Variants in TLN2 observed in about 807,000 individuals in gnomAD.
The protein encoded by TLN2 is talin-2.
In TLN2, 118 loss-of-function variants were observed where a neutral mutation model predicts 294.7. That is an observed-to-expected ratio of 0.40 (90% CI 0.34 to 0.47). The LOEUF is 0.47. Ranked by LOEUF, TLN2 falls within the 20% of genes least tolerant of loss-of-function variation. The probability of loss-of-function intolerance (pLI) is 0.84; values close to 1 mark genes in which losing one functional copy is unlikely to be tolerated. For missense variants in TLN2, 3,083 were observed against 3,282.2 expected (o/e 0.94, Z 1.48); for synonymous variants, 1,431 against 1,304.5 (o/e 1.10, Z -2.09).
chr15:62,670,454 T>G (rs1177728410), intron 9 of TLN2, among the ~76,000 whole-genome samples: 2 of 152,216 alleles, frequency 1.3e-5, no homozygotes, highest in East Asian at 1.9e-4. Context: ...TCTGAATCAT[T>G]CATTTTTGCC....
chr15:62,642,705 T>TG (rs935775485), intron 3 of TLN2, among the ~76,000 whole-genome samples: 4 of 151,504 alleles, frequency 2.6e-5, no homozygotes, highest in African/African-American at 9.7e-5. Context: ...TTTTCTGTTT[T>TG]TTTTTTTTTT....
chr15:62,395,162 C>T (rs1272841326), intron 1 of TLN2, among the ~76,000 whole-genome samples: 1 of 143,352 alleles, frequency 7.0e-6, no homozygotes, highest in Non-Finnish European at 1.5e-5. Context: ...TCACAATGCC[C>T]ACACATTGTG....
chr15:62,736,180 C>T (rs1056731328), intron 28 of TLN2, among the ~76,000 whole-genome samples: 1 of 151,882 alleles, frequency 6.6e-6, no homozygotes, highest in Non-Finnish European at 1.5e-5. Flanking sequence ...ATTAGCCGGG[C>T]GTGGTGATGG....
rs572613049 is a variant in TLN2 at position 62,542,422 on chromosome 15, C to G, written c.-237-47265C>G. On this transcript the variant is annotated intron_variant, in intron 1 of 58. Coordinates refer to ENST00000636159, the MANE Select transcript of TLN2 (RefSeq NM_015059.3). ...AGCCAGGATGGTCTCGATCTCCTGA[C>G]CTCTTGATCCACCTGCCTTGGCCTC... is the stretch of plus-strand genomic sequence containing the variant. 5.3e-5 allele frequency among the ~76,000 whole-genome samples: 8 copies of G among 152,254 alleles called. No homozygotes were observed. The South Asian group carries it at 1.0e-3, about 20-fold the overall frequency.
At chr15:62,543,975 G>C (rs997045976) in intron 1 of TLN2, among the ~76,000 whole-genome samples, 1 of 152,132 alleles carries the variant, frequency 6.6e-6, no homozygotes, top group East Asian at 1.9e-4. Context: ...GGCTGGCGTG[G>C]AGGGTAGTAG....
chr15:62,775,253 C>G (rs1471343227), intron 42 of TLN2, among the ~76,000 whole-genome samples: 2 of 152,062 alleles, frequency 1.3e-5, no homozygotes, highest in East Asian at 3.9e-4. Context: ...TCATCTCATT[C>G]TAAATGAGAT....
At chr15:62,531,891 G>A (rs1189334755) in intron 1 of TLN2, among the ~76,000 whole-genome samples, 2 of 152,056 alleles carry the variant, frequency 1.3e-5, no homozygotes, top group Admixed American at 6.5e-5. Context: ...TTAGAGCCTC[G>A]GGTGAGCCTC....
intron 1 of TLN2, among the ~76,000 whole-genome samples, chr15:62,537,049 T>C (rs1355935615): frequency 6.6e-6 from 1 of 151,680 alleles, no homozygotes; most frequent in East Asian, 1.9e-4. Flanking sequence ...GACGGAGTCT[T>C]GCTCTGTCGC....
intron 54 of TLN2, chr15:62,829,011 C>T (rs536369951): frequency 6.6e-6 from 1 of 152,062 alleles, no homozygotes; most frequent in Admixed American, 6.6e-5. Context: ...ACTCCCACCC[C>T]AGACCTACCA....
At chr15:62,770,034 A>G (rs1056758313) in intron 41 of TLN2, among the ~76,000 whole-genome samples, 2 of 152,194 alleles carry the variant, frequency 1.3e-5, no homozygotes, top group Non-Finnish European at 1.5e-5. Flanking sequence ...CGGTGCTCCC[A>G]CAGCAGCAGG....
rs5813171 is a variant in TLN2, at chr15:62,777,530, C to CAA, written c.5514+634_5514+635dup. 5.1e-3 allele frequency among the ~76,000 whole-genome samples: 695 copies of CAA among 135,402 alleles called. 4 individuals carry two copies. The highest frequency in any genetic ancestry group is 8.8e-3 in the African/African-American group (314 of 35,738). 88.8% of individuals were successfully genotyped at this position (135,402 alleles called of 152,430 possible). Reference sequence around the variant, plus strand: ...TAGCCTGGGCAACGAGCGAAACTCTCAAAAAAAAAAAAAAAGTGATTCCCA... The same window carrying CAA: ...TAGCCTGGGCAACGAGCGAAACTCTCAAAAAAAAAAAAAAAAAGTGATTCCCA... On this transcript the variant is annotated intron_variant, in intron 43 of 58. Coordinates refer to ENST00000636159, the MANE Select transcript of TLN2 (RefSeq NM_015059.3).
intron 2 of TLN2, among the ~76,000 whole-genome samples, chr15:62,615,676 C>A (rs2048257626): frequency 6.6e-6 from 1 of 152,186 alleles, no homozygotes; most frequent in African/African-American, 2.4e-5. Flanking sequence ...ATCCTGCAAA[C>A]AAAGCAGTGA....
At chr15:62,408,829 T>G (rs1224529213) in intron 1 of TLN2, among the ~76,000 whole-genome samples, 1 of 152,076 alleles carries the variant, frequency 6.6e-6, no homozygotes, top group Non-Finnish European at 1.5e-5. Context: ...TTCTTTTTCT[T>G]TTTTTTAATT....
At chr15:62,729,785 A>G (rs1319876377) in intron 28 of TLN2, among the ~76,000 whole-genome samples, 2 of 151,582 alleles carry the variant, frequency 1.3e-5, no homozygotes, top group Admixed American at 6.6e-5. Flanking sequence ...TCATCTTACT[A>G]TTTGTTTTCT....
At chr15:62,730,029 C>CT (rs11368681) in intron 28 of TLN2, among the ~76,000 whole-genome samples, 112,437 of 121,130 alleles carry the variant, frequency 0.93, 52,799 homozygotes, top group South Asian at 0.99. Flanking sequence ...TTATTGTTGT[C>CT]TTTTTTTTTT....
In TLN2 at chr15:62,762,472, G is replaced by C; in HGVS notation, c.4961+19G>C. On this transcript the variant is annotated intron_variant, in intron 39 of 58. Coordinates refer to ENST00000636159, the MANE Select transcript of TLN2 (RefSeq NM_015059.3). ...CTATCAGGTCAGTTTCCCATCCGGA[G>C]GTTGCTGCCAGCCTGCATCTCAGCG... is the stretch of plus-strand genomic sequence containing the variant. 6.2e-7 allele frequency: 1 copy of C among 1,610,752 alleles called. No homozygotes were observed. Among genetic ancestry groups the C allele is most frequent in the Non-Finnish European group, 8.5e-7 (1 of 1,177,674 alleles).
intron 4 of TLN2, 145 bp from the exon 5 acceptor site, chr15:62,649,939 C>G: frequency 1.4e-6 from 1 of 736,558 alleles, no homozygotes; most frequent in Non-Finnish European, 2.3e-6. Flanking sequence ...GCCCTGATGG[C>G]TGCTTGTGTT....
At chr15:62,810,290 A>C (rs1022199892) in intron 52 of TLN2, among the ~76,000 whole-genome samples, 4 of 152,184 alleles carry the variant, frequency 2.6e-5, no homozygotes, top group African/African-American at 9.7e-5. Flanking sequence ...CAGGAATAGC[A>C]TGTAAAAGGA....
intron 1 of TLN2, among the ~76,000 whole-genome samples, chr15:62,448,572 C>A (rs1004154938): frequency 6.6e-6 from 1 of 152,044 alleles, no homozygotes; most frequent in Non-Finnish European, 1.5e-5. Flanking sequence ...TTTGTAAGGG[C>A]GAGAACACTT....
Sources: gnomAD v4.1 joint callset for allele counts (sites outside exome capture counted in the v4.1 genomes callset) on GRCh38, gnomAD v4.1.1 for gene constraint, MANE v1.5 for transcripts, NCBI Gene and HGNC (gene_info 2026-07-23, HGNC 2026-07-21) for gene names.